The following MIGA1 variants were observed in gnomAD, a reference collection of about 807,000 sequenced individuals.
MIGA1 encodes the protein family with sequence similarity 73, member A.
MIGA1 carries 58 observed loss-of-function variants against 82.0 expected under a neutral mutation model. The ratio of observed to expected loss-of-function variants is 0.71; its 90% CI spans 0.57 to 0.88. The LOEUF (loss-of-function observed/expected upper bound fraction) is 0.88. Among genes scored for constraint, MIGA1 ranks in the 40% least tolerant of loss-of-function variants. MIGA1 has a pLI of 0.00. For missense variants in MIGA1, 751 were observed against 749.1 expected (o/e 1.00, Z -0.03); for synonymous variants, 249 against 253.6 (o/e 0.98, Z 0.17).
At chr1:77,869,621 G>C (rs1685830062) in intron 14 of MIGA1, among the ~76,000 whole-genome samples, 1 of 129,180 alleles carries the variant, frequency 7.7e-6, no homozygotes, top group Non-Finnish European at 1.7e-5. Flanking sequence ...AGGCAGAGGG[G>C]TCCTCACTTC....
At position 77,875,656 on chromosome 1, in the gene MIGA1, A is replaced by T. The variant is rs1339584178; in HGVS notation, c.*592A>T. The T allele has an allele frequency of 6.6e-6, 1 of 152,528 alleles. No individual in the cohort carries two copies. Among genetic ancestry groups the T allele is most frequent in the Non-Finnish European group, 1.5e-5 (1 of 68,330 alleles). 9.4% of individuals were successfully genotyped at this position (152,528 alleles called of 1,614,324 possible). A position where few individuals can be genotyped will look rare whatever the true frequency, so the allele number is the denominator to read the frequency against. ...ACTGAATATTGTTATAGAACATTTA[A>T]ATGGGCCACTTGCAGTGGCTCATGC... On this transcript the variant is annotated 3_prime_UTR_variant, in exon 16 of 16. Transcript: ENST00000370791.
At chr1:77,841,174 C>G (rs1161898705) in intron 7 of MIGA1, among the ~76,000 whole-genome samples, 1 of 151,890 alleles carries the variant, frequency 6.6e-6, no homozygotes, top group Non-Finnish European at 1.5e-5. Flanking sequence ...ATAATTTAAC[C>G]TCAGATTTTA....
rs754552966 is a variant in MIGA1, at chr1:77,783,297, A to G, written c.141A>G (p.Thr47=). ...GTGAATCACAGTTTTCCTTGAAGACAGCAGCGCTAAGAGTGTTTGATCTTC... is the reference window on the plus strand; with the variant it reads ...GTGAATCACAGTTTTCCTTGAAGACGGCAGCGCTAAGAGTGTTTGATCTTC... The change falls in exon 2 of 16, where the codon ACA becomes ACG. Residue 47 remains threonine, a synonymous_variant. Coordinates refer to ENST00000370791, the MANE Select transcript of MIGA1 (RefSeq NM_198549.4). 2.6e-5 allele frequency: 42 copies of G among 1,599,488 alleles called. 1 individual carries two copies. The highest frequency in any genetic ancestry group is 2.2e-4 in the East Asian group (10 of 44,780).
At chr1:77,866,263 A>T (rs115999630) in intron 13 of MIGA1, 75 bp from the exon 14 acceptor site, 4 of 1,408,754 alleles carry the variant, frequency 2.8e-6, no homozygotes, top group Non-Finnish European at 4.0e-6. Context: ...AGACCCATAA[A>T]CTTTGAATTT....
At chr1:77,867,431 A>G (rs1488909416) in intron 14 of MIGA1, among the ~76,000 whole-genome samples, 2 of 152,160 alleles carry the variant, frequency 1.3e-5, no homozygotes, top group Non-Finnish European at 2.9e-5. Flanking sequence ...GGCTAAAGCA[A>G]TCTTTCTGCC....
chr1:77,783,477 T>C, intron 2 of MIGA1, 126 bp downstream of exon 2: 2 of 465,924 alleles, frequency 4.3e-6, no homozygotes, highest in Non-Finnish European at 7.2e-6. Context: ...TTACAGTAGT[T>C]AAAAAACCTA....
chr1:77,840,382 T>C (rs767817006), intron 7 of MIGA1, among the ~76,000 whole-genome samples: 3 of 152,194 alleles, frequency 2.0e-5, no homozygotes, highest in Non-Finnish European at 4.4e-5. Context: ...TTGACTAAAG[T>C]AAAACAGACT....
intron 7 of MIGA1, among the ~76,000 whole-genome samples, chr1:77,842,526 A>G (rs927569808): frequency 2.0e-5 from 3 of 152,088 alleles, no homozygotes; most frequent in Non-Finnish European, 2.9e-5. Flanking sequence ...AAAAGTCACA[A>G]ATATCTTCTT....
chr1:77,874,272 A>G (rs1473539621), intron 15 of MIGA1, among the ~76,000 whole-genome samples: 2 of 152,084 alleles, frequency 1.3e-5, no homozygotes, highest in Non-Finnish European at 2.9e-5. Context: ...CTGAAATGAA[A>G]TATCCTTCAG....
intron 7 of MIGA1, among the ~76,000 whole-genome samples, chr1:77,818,363 T>C (rs1328075772): frequency 6.6e-6 from 1 of 152,034 alleles, no homozygotes; most frequent in East Asian, 1.9e-4. Context: ...CCTCAGGCGA[T>C]CCACCTGCTT....
At chr1:77,819,843 T>C (rs1188210802) in intron 7 of MIGA1, among the ~76,000 whole-genome samples, 1 of 152,016 alleles carries the variant, frequency 6.6e-6, no homozygotes, top group Non-Finnish European at 1.5e-5. Flanking sequence ...CGGCCTTCCA[T>C]ACTGCCTGGA....
chr1:77,794,491 G>T (rs1682572727), intron 2 of MIGA1, among the ~76,000 whole-genome samples: 1 of 152,116 alleles, frequency 6.6e-6, no homozygotes, highest in Non-Finnish European at 1.5e-5. Flanking sequence ...GTTTTCTCAG[G>T]GTTGGATTCA....
intron 8 of MIGA1, among the ~76,000 whole-genome samples, chr1:77,846,802 C>T (rs1280093732): frequency 6.6e-6 from 1 of 151,958 alleles, no homozygotes; most frequent in Non-Finnish European, 1.5e-5. Context: ...AAAAAATTAG[C>T]CAGGCATGGT....
chr1:77,847,859 A>C, intron 8 of MIGA1: 4 of 1,602,834 alleles, frequency 2.5e-6, no homozygotes, highest in South Asian at 2.2e-5. Flanking sequence ...AAGTAGAGGA[A>C]AACCCAGATG....
At chr1:77,861,147 G>C in intron 11 of MIGA1, 77 bp from the exon 12 acceptor site, 1 of 902,776 alleles carries the variant, frequency 1.1e-6, no homozygotes, top group Non-Finnish European at 1.8e-6. Flanking sequence ...AGATCTACCA[G>C]ACTTATTTGA....
chr1:77,878,835 G>A lies in MIGA1; in HGVS notation c.*3771G>A. 2.6e-6 allele frequency: 1 copy of A among 381,456 alleles called. No homozygotes were observed. The highest frequency in any genetic ancestry group is 4.7e-6 in the Non-Finnish European group (1 of 214,248). The allele number at this position is 381,456 out of a possible 1,614,324, so 23.6% of individuals were successfully genotyped here. A position where few individuals can be genotyped will look rare whatever the true frequency, so the allele number is the denominator to read the frequency against. Reference sequence around the variant, plus strand: ...CAAGTTTTCCATACTGTCACAGTAAGCTCCAAAGAACTTTGTCTTTCTCAT... The same window carrying A: ...CAAGTTTTCCATACTGTCACAGTAAACTCCAAAGAACTTTGTCTTTCTCAT... On this transcript the variant is annotated 3_prime_UTR_variant, in exon 16 of 16. Transcript: ENST00000370791.
chr1:77,850,675 C>T (rs1194683255), intron 8 of MIGA1, among the ~76,000 whole-genome samples: 13 of 152,088 alleles, frequency 8.5e-5, no homozygotes, highest in Admixed American at 8.5e-4. Flanking sequence ...TCATTACATG[C>T]CAAGGAGGAT....
chr1:77,843,168 A>G (rs2101889715), intron 7 of MIGA1, 139 bp from the exon 8 acceptor site: 1 of 541,808 alleles, frequency 1.8e-6, no homozygotes. Flanking sequence ...CAGTTAAACA[A>G]TGGATACTTA....
Position 77,875,273 on chromosome 1 carries a change from C to T in MIGA1, c.*209C>T. 2.1e-6 allele frequency: 1 copy of T among 477,136 alleles called. No individual in the cohort carries two copies. Among genetic ancestry groups the T allele is most frequent in the Middle Eastern group, 5.6e-4 (1 of 1,786 alleles). 29.6% of individuals were successfully genotyped at this position (477,136 alleles called of 1,614,324 possible). A position where few individuals can be genotyped will look rare whatever the true frequency, so the allele number is the denominator to read the frequency against. On this transcript the variant is annotated 3_prime_UTR_variant, in exon 16 of 16. Coordinates refer to ENST00000370791, the MANE Select transcript of MIGA1 (RefSeq NM_198549.4). ...GTAGTGTAGTCATAGTGGCTTTTTG[C>T]ATTCATTAGGTAATAATTGAAGTCA...
Sources: gnomAD v4.1 joint callset for allele counts (sites outside exome capture counted in the v4.1 genomes callset) on GRCh38, gnomAD v4.1.1 for gene constraint, MANE v1.5 for transcripts, NCBI Gene and HGNC (gene_info 2026-07-23, HGNC 2026-07-21) for gene names.